The following BNC2 variants were observed in gnomAD, a reference collection of about 807,000 sequenced individuals.
BNC2 encodes the protein basonuclin zinc finger protein 2, also known as zinc finger protein basonuclin-2.
Under a neutral mutation model 76.3 loss-of-function variants are expected in BNC2, and 20 were observed. That is an observed-to-expected ratio of 0.26 (90% CI 0.18 to 0.38). The LOEUF (loss-of-function observed/expected upper bound fraction) is 0.38, where lower values mean the gene tolerates loss of function less well. BNC2 is among the 10% of genes least tolerant of loss of function. The probability of loss-of-function intolerance (pLI) is 1.00; values close to 1 mark genes in which losing one functional copy is unlikely to be tolerated. For synonymous variants in BNC2, 582 were observed against 514.8 expected (o/e 1.13, Z -1.77); for missense variants, 1,382 against 1,399.8 (o/e 0.99, Z 0.20).
intron 1 of BNC2, among the ~76,000 whole-genome samples, chr9:16,742,473 T>C (rs1237045366): frequency 2.6e-5 from 4 of 152,174 alleles, no homozygotes; most frequent in African/African-American, 9.7e-5. Flanking sequence ...AATGATGGGT[T>C]CCATCACCTG....
chr9:16,598,958 C>A (rs530530486), intron 3 of BNC2, among the ~76,000 whole-genome samples: 13 of 152,232 alleles, frequency 8.5e-5, no homozygotes, highest in Admixed American at 1.3e-4. Context: ...TAGGGTTGTG[C>A]CTTAAATATG....
chr9:16,692,498 T>C (rs72704100), intron 3 of BNC2, among the ~76,000 whole-genome samples: 17,166 of 152,172 alleles, frequency 0.11, 1,197 homozygotes, highest in South Asian at 0.23. Flanking sequence ...TTGAATGAGA[T>C]GACACATGTA....
Position 16,613,416 on chromosome 9 carries a change from C to T in BNC2, c.331-30331G>A, listed in dbSNP as rs10118976. Among the ~76,000 whole-genome samples, 1,005 of 152,186 alleles carry T rather than the reference C, an allele frequency of 6.6e-3. 9 individuals carry two copies. The highest frequency in any genetic ancestry group is 0.022 in the African/African-American group (914 of 41,546). On this transcript the variant is annotated intron_variant, in intron 3 of 6. Transcript: ENST00000380672. ...AAATTTTAAATGTAAAAGACAAAGT[C>T]AAAAGGAAAGGTGGCCCCAAATGCC...
intron 5 of BNC2, among the ~76,000 whole-genome samples, chr9:16,478,209 C>T (rs1029110189): frequency 6.6e-6 from 1 of 152,198 alleles, no homozygotes; most frequent in African/African-American, 2.4e-5. Context: ...CACGTGGAAG[C>T]CCTTACAGAT....
chr9:16,734,749 C>A (rs1317347072), intron 2 of BNC2, among the ~76,000 whole-genome samples: 1 of 152,202 alleles, frequency 6.6e-6, no homozygotes, highest in South Asian at 2.1e-4. Context: ...AATAACCACT[C>A]ACCTACAGGG....
intron 4 of BNC2, among the ~76,000 whole-genome samples, chr9:16,578,179 C>A (rs959118032): frequency 1.3e-5 from 2 of 151,982 alleles, no homozygotes; most frequent in African/African-American, 2.4e-5. Flanking sequence ...TTATCAAATA[C>A]ACAAATCAAA....
chr9:16,630,842 C>G (rs540651964), intron 3 of BNC2, among the ~76,000 whole-genome samples: 24 of 151,364 alleles, frequency 1.6e-4, no homozygotes, highest in African/African-American at 5.6e-4. Flanking sequence ...CGGGTTCAAG[C>G]GATTCTCCTG....
chr9:16,416,476 A>C lies in BNC2; in HGVS notation c.*2513T>G, dbSNP rs1820586483. ...TACTGTACAGAGTCTTATATGGTAT[A>C]AAACAAAGGAAAACATCTGTCTGTT... On this transcript the variant is annotated 3_prime_UTR_variant, in exon 7 of 7. Coordinates refer to ENST00000380672, the MANE Select transcript of BNC2 (RefSeq NM_017637.6). 6.6e-6 allele frequency: 1 copy of C among 152,646 alleles called. No homozygotes were observed. The highest frequency in any genetic ancestry group is 2.4e-5 in the African/African-American group (1 of 41,456). The allele number at this position is 152,646 out of a possible 1,614,324, so 9.5% of individuals were successfully genotyped here.
chr9:16,470,215 T>C (rs1465565838), intron 5 of BNC2, among the ~76,000 whole-genome samples: 1 of 151,948 alleles, frequency 6.6e-6, no homozygotes, highest in Middle Eastern at 3.2e-3. Flanking sequence ...GCCAGGATGG[T>C]CTCAATCTCC....
At chr9:16,442,749 G>C (rs183011669) in intron 5 of BNC2, among the ~76,000 whole-genome samples, 110 of 152,290 alleles carry the variant, frequency 7.2e-4, no homozygotes, top group African/African-American at 2.6e-3. Context: ...AAGAATGGAA[G>C]TGAGGAAGAA....
chr9:16,861,169 C>G (rs1819398126), intron 1 of BNC2, among the ~76,000 whole-genome samples: 1 of 93,368 alleles, frequency 1.1e-5, no homozygotes, highest in South Asian at 4.2e-4. Flanking sequence ...TGGTAATACC[C>G]TATCTCTACA....
chr9:16,673,385 T>C (rs1006102098), intron 3 of BNC2, among the ~76,000 whole-genome samples: 1 of 115,876 alleles, frequency 8.6e-6, no homozygotes, highest in African/African-American at 3.4e-5. Context: ...GGTGAGTAGA[T>C]GAATGATTCA....
chr9:16,443,372 A>C (rs1291680754), intron 5 of BNC2, among the ~76,000 whole-genome samples: 1 of 152,134 alleles, frequency 6.6e-6, no homozygotes, highest in African/African-American at 2.4e-5. Flanking sequence ...TTGGCAATTT[A>C]TTTTCATAAT....
intron 1 of BNC2, among the ~76,000 whole-genome samples, chr9:16,784,643 TG>T: frequency 6.6e-6 from 1 of 152,318 alleles, no homozygotes; most frequent in Non-Finnish European, 1.5e-5. Context: ...GGCTGAGCAC[TG>T]GCAAAGTCAG....
chr9:16,821,430 G>GA lies in BNC2; in HGVS notation c.3+49215dup, dbSNP rs900121456. On this transcript the variant is annotated intron_variant, in intron 1 of 6. Transcript: ENST00000380672. ...ATAATGCTTACCTTTTATCTACAGAGAAAAAAAAATTATTTCCAATGCAAG... is the reference window on the plus strand; with the variant it reads ...ATAATGCTTACCTTTTATCTACAGAGAAAAAAAAAATTATTTCCAATGCAAG... 7.3e-5 allele frequency among the ~76,000 whole-genome samples: 11 copies of GA among 151,420 alleles called. No individual in the cohort carries two copies. In the South Asian group the frequency reaches 1.5e-3, roughly 20 times the overall value.
At position 16,415,374 on chromosome 9, in the gene BNC2, C is replaced by A. The variant is rs1465823897; in HGVS notation, c.*3615G>T. The A allele has an allele frequency of 6.6e-6, 1 of 152,592 alleles. No homozygotes were observed. Among genetic ancestry groups the A allele is most frequent in the Non-Finnish European group, 1.5e-5 (1 of 68,038 alleles). 9.5% of individuals were successfully genotyped at this position (152,592 alleles called of 1,614,324 possible). A position where few individuals can be genotyped will look rare whatever the true frequency, so the allele number is the denominator to read the frequency against. On this transcript the variant is annotated 3_prime_UTR_variant, in exon 7 of 7. Transcript: ENST00000380672. ...ATCAAGACAGTACAAGTTTCAACATCAGCTAGAGAACATGCACAGTCATAC... is the reference window on the plus strand; with the variant it reads ...ATCAAGACAGTACAAGTTTCAACATAAGCTAGAGAACATGCACAGTCATAC...
At chr9:16,847,510 T>C (rs747775036) in intron 1 of BNC2, among the ~76,000 whole-genome samples, 83 of 139,352 alleles carry the variant, frequency 6.0e-4, no homozygotes, top group Non-Finnish European at 1.1e-3. Flanking sequence ...GAAAAAAGAA[T>C]TGACCAAACA....
At chr9:16,712,454 T>TA (rs1487143672) in intron 3 of BNC2, among the ~76,000 whole-genome samples, 2 of 152,240 alleles carry the variant, frequency 1.3e-5, no homozygotes, top group African/African-American at 4.8e-5. Flanking sequence ...CATAACATCT[T>TA]AGAGTATTAT....
intron 5 of BNC2, among the ~76,000 whole-genome samples, chr9:16,529,851 T>G (rs7862214): frequency 0.1 from 15,775 of 152,080 alleles, 1,372 homozygotes; most frequent in African/African-American, 0.24. Context: ...TTTAGTTTTA[T>G]TTTTTATTTA....
Sources: gnomAD v4.1 joint callset for allele counts (sites outside exome capture counted in the v4.1 genomes callset) on GRCh38, gnomAD v4.1.1 for gene constraint, MANE v1.5 for transcripts, NCBI Gene and HGNC (gene_info 2026-07-23, HGNC 2026-07-21) for gene names.